Variants in UBE3A observed in about 807,000 individuals in gnomAD.
The protein encoded by UBE3A is ubiquitin protein ligase E3A.
Under a neutral mutation model 83.4 loss-of-function variants are expected in UBE3A, and 6 were observed. The observed-to-expected ratio is 0.07, with a 90% CI of 0.04 to 0.14. The LOEUF (loss-of-function observed/expected upper bound fraction) is 0.14. Among genes scored for constraint, UBE3A ranks in the 10% least tolerant of loss-of-function variants. The pLI, the probability that UBE3A is intolerant of heterozygous loss-of-function variation, is 1.00. For missense variants in UBE3A, 456 were observed against 1,036.1 expected (o/e 0.44, Z 7.69); for synonymous variants, 337 against 355.4 (o/e 0.95, Z 0.58).
At chr15:25,397,035 TTAGG>T (rs2085741394) in intron 4 of UBE3A, among the ~76,000 whole-genome samples, 1 of 152,164 alleles carries the variant, frequency 6.6e-6, no homozygotes, top group Non-Finnish European at 1.5e-5. Flanking sequence ...TTTTTGTAAA[TTAGG>T]ACAAATACTA....
chr15:25,362,497 A>G (rs1006360077), intron 6 of UBE3A, among the ~76,000 whole-genome samples: 1 of 152,204 alleles, frequency 6.6e-6, no homozygotes, highest in South Asian at 2.1e-4. Context: ...AAGGCTTATT[A>G]AGAATATATG....
At position 25,438,513 on chromosome 15, in the gene UBE3A, T is replaced by A. The variant is rs543872191; in HGVS notation, c.-189A>T. Reference sequence around the variant, plus strand: ...CCTGTCGTCGCCCCCGCGCCTGGGCTGCGGCGGCCGCCTCACTGGTCGTAG... The same window carrying A: ...CCTGTCGTCGCCCCCGCGCCTGGGCAGCGGCGGCCGCCTCACTGGTCGTAG... On this transcript the variant is annotated 5_prime_UTR_variant, in exon 1 of 13. Coordinates refer to ENST00000648336, the MANE Select transcript of UBE3A (RefSeq NM_130839.5). 2.6e-5 allele frequency: 4 copies of A among 152,592 alleles called. No homozygotes were observed. Among genetic ancestry groups the A allele is most frequent in the African/African-American group, 9.6e-5 (4 of 41,566 alleles). The allele number at this position is 152,592 out of a possible 1,614,324, so 9.5% of individuals were successfully genotyped here. A position where few individuals can be genotyped will look rare whatever the true frequency, so the allele number is the denominator to read the frequency against.
intron 4 of UBE3A, among the ~76,000 whole-genome samples, chr15:25,378,849 A>C (rs1401778274): frequency 6.6e-6 from 1 of 152,222 alleles, no homozygotes; most frequent in African/African-American, 2.4e-5. Context: ...GGTACCACAA[A>C]GGCAGACCAA....
chr15:25,420,926 T>C (rs574640294), intron 1 of UBE3A, among the ~76,000 whole-genome samples: 11 of 152,176 alleles, frequency 7.2e-5, no homozygotes, highest in Admixed American at 6.5e-4. Context: ...GACAAATAAA[T>C]AAATAAAACA....
chr15:25,336,280 C>CA lies in UBE3A; in HGVS notation c.*2856dup. 1 of 151,876 alleles carries CA rather than the reference C, an allele frequency of 6.6e-6. No individual in the cohort carries two copies. The highest frequency in any genetic ancestry group is 1.5e-5 in the Non-Finnish European group (1 of 67,992). The allele number at this position is 151,876 out of a possible 1,614,324, so 9.4% of individuals were successfully genotyped here. ...TGGCCCTTAGACACTGGCGGAAAGT[C>CA]AGAGAAAAAAAATTACAGTAAGCAG... On this transcript the variant is annotated 3_prime_UTR_variant, in exon 13 of 13. Coordinates refer to ENST00000648336, the MANE Select transcript of UBE3A (RefSeq NM_130839.5).
At position 25,398,771 on chromosome 15, in the gene UBE3A, TTATATATATATATATATATATATA is replaced by T. The variant is rs1159969391; in HGVS notation, c.62+6666_62+6689del. ...CAGCGCACTGATTTTATTCTTTTATTTATATATATATATATATATATATATATATATATATATATATATAAAAAT... is the reference window on the plus strand; with the variant it reads ...CAGCGCACTGATTTTATTCTTTTATTTATATATATATATATATATAAAAAT... On this transcript the variant is annotated intron_variant, in intron 4 of 12. Transcript: ENST00000648336. 1.8e-3 allele frequency among the ~76,000 whole-genome samples: 127 copies of T among 68,966 alleles called. 7 individuals are homozygous for T. The highest frequency in any genetic ancestry group is 5.1e-3 in the African/African-American group (115 of 22,382). The allele number at this position is 68,966 out of a possible 152,430, so 45.2% of individuals were successfully genotyped here.
In UBE3A at chr15:25,370,096, T is replaced by C. The variant is rs878952412; in HGVS notation, c.1608+470A>G. On this transcript the variant is annotated intron_variant, in intron 6 of 12. Transcript: ENST00000648336. The surrounding 1 kb of genome is among the most constrained non-coding windows in gnomAD (Gnocchi z 4.2). ...ACTGGCAACAGGCACTGATCTGCCA[T>C]GGTCACTTCATCAAGTCCACAATAA... 6.6e-6 allele frequency among the ~76,000 whole-genome samples: 1 copy of C among 152,210 alleles called. No homozygotes were observed. The highest frequency in any genetic ancestry group is 6.5e-5 in the Admixed American group (1 of 15,284).
intron 1 of UBE3A, among the ~76,000 whole-genome samples, chr15:25,433,327 G>A (rs1894045341): frequency 1.3e-5 from 2 of 152,018 alleles, no homozygotes; most frequent in Non-Finnish European, 1.5e-5. Flanking sequence ...GGGACTACAG[G>A]CATGCGCCAC....
At chr15:25,359,846 T>G (rs967509318) in intron 7 of UBE3A, among the ~76,000 whole-genome samples, 1 of 152,148 alleles carries the variant, frequency 6.6e-6, no homozygotes, top group Non-Finnish European at 1.5e-5. Context: ...AACTCTTCTG[T>G]TAGGGCAGAA....
chr15:25,402,135 C>A (rs2153031462), intron 4 of UBE3A, among the ~76,000 whole-genome samples: 2 of 152,302 alleles, frequency 1.3e-5, no homozygotes, highest in East Asian at 3.9e-4. Flanking sequence ...TGTGTTGGCA[C>A]CTGCACATTT....
rs1168444147 is a variant in UBE3A, at chr15:25,334,196, T to C, written c.*4941A>G. 4.7e-5 allele frequency: 7 copies of C among 150,444 alleles called. 1 individual carries two copies. Among genetic ancestry groups the C allele is most frequent in the African/African-American group, 1.8e-4 (7 of 39,932 alleles). The allele number at this position is 150,444 out of a possible 1,614,324, so 9.3% of individuals were successfully genotyped here. On this transcript the variant is annotated 3_prime_UTR_variant, in exon 13 of 13. Coordinates refer to ENST00000648336, the MANE Select transcript of UBE3A (RefSeq NM_130839.5). ...GCATGATCTCATATGCAAAAAATAC[T>C]AAGTGACAAAAAAAGAATTTTAGAA...
At position 25,365,190 on chromosome 15, in the gene UBE3A, T is replaced by TA. The variant is rs930425710; in HGVS notation, c.1609-4664dup. 2.3e-3 allele frequency among the ~76,000 whole-genome samples: 344 copies of TA among 149,670 alleles called. 1 individual carries two copies. The highest frequency in any genetic ancestry group is 6.4e-3 in the African/African-American group (263 of 40,966). On this transcript the variant is annotated intron_variant, in intron 6 of 12. Coordinates refer to ENST00000648336, the MANE Select transcript of UBE3A (RefSeq NM_130839.5). Reference sequence around the variant, plus strand: ...ATGAAATCCTAGGGAGTTCATTTTTTAAAAAAAAAATCTGACCTGATATCA... The same window carrying TA: ...ATGAAATCCTAGGGAGTTCATTTTTTAAAAAAAAAAATCTGACCTGATATCA...
chr15:25,424,812 A>G lies in UBE3A; in HGVS notation c.-164-12841T>C, dbSNP rs1890853145. On this transcript the variant is annotated intron_variant, in intron 1 of 12. Transcript: ENST00000648336. ...TTCTTAGAAATAAATTTTTAAAGTA[A>G]TAAGTACAAGACCTGTATACTGAAA... 2.6e-5 allele frequency among the ~76,000 whole-genome samples: 4 copies of G among 152,226 alleles called. No individual in the cohort carries two copies. In the South Asian group the frequency reaches 8.3e-4, roughly 31 times the overall value.
intron 4 of UBE3A, among the ~76,000 whole-genome samples, chr15:25,376,746 C>T (rs1318637283): frequency 3.5e-5 from 4 of 114,898 alleles, no homozygotes; most frequent in Non-Finnish European, 5.2e-5. Context: ...ATTAGTTCCA[C>T]GTCACAAGAT....
rs116789027 is a variant in UBE3A, at chr15:25,437,598, A to G, written c.-165+891T>C. Among the ~76,000 whole-genome samples the G allele has an allele frequency of 1.1e-3, 166 of 152,334 alleles. 1 individual carries two copies. The highest frequency in any genetic ancestry group is 3.7e-3 in the African/African-American group (152 of 41,582). On this transcript the variant is annotated intron_variant, in intron 1 of 12. Transcript: ENST00000648336. ...TATGCTATTAGTTTACATTTTCAACAGCACCCTCGCCACTTAATAATCTCA... is the reference window on the plus strand; with the variant it reads ...TATGCTATTAGTTTACATTTTCAACGGCACCCTCGCCACTTAATAATCTCA...
At chr15:25,416,096 T>C (rs9806741) in intron 1 of UBE3A, among the ~76,000 whole-genome samples, 152,240 of 152,258 alleles carry the variant, frequency 1, 76,112 homozygotes, top group Middle Eastern at 1. Flanking sequence ...AAAATCGGCA[T>C]GCCTTTAAAA....
chr15:25,417,318 C>A (rs1887401224), intron 1 of UBE3A, among the ~76,000 whole-genome samples: 1 of 152,012 alleles, frequency 6.6e-6, no homozygotes, highest in African/African-American at 2.4e-5. Flanking sequence ...TAAAACTGAC[C>A]AGCAAGTTAT....
Position 25,339,013 on chromosome 15 carries a change from C to G in UBE3A, c.*124G>C. 8.7e-7 allele frequency: 1 copy of G among 1,145,446 alleles called. No homozygotes were observed. Among genetic ancestry groups the G allele is most frequent in the Non-Finnish European group, 1.2e-6 (1 of 855,200 alleles). The allele number at this position is 1,145,446 out of a possible 1,614,324, so 71.0% of individuals were successfully genotyped here. The stretch of plus-strand genomic sequence containing the variant: ...GTGACTACTGTGGTTGACTATCTTA[C>G]AGCCTTTTTGTACTGGGACACTATC... On this transcript the variant is annotated 3_prime_UTR_variant, in exon 13 of 13. Coordinates refer to ENST00000648336, the MANE Select transcript of UBE3A (RefSeq NM_130839.5).
At chr15:25,348,050 A>G (rs769218212) in intron 11 of UBE3A, among the ~76,000 whole-genome samples, 19 of 152,162 alleles carry the variant, frequency 1.2e-4, no homozygotes, top group Non-Finnish European at 2.6e-4. Flanking sequence ...TTTAAAAAAA[A>G]ACAAATGGTT....
Sources: gnomAD v4.1 joint callset for allele counts (sites outside exome capture counted in the v4.1 genomes callset) on GRCh38, gnomAD v4.1.1 for gene constraint, Gnocchi (gnomAD v3.1) non-coding constraint, MANE v1.5 for transcripts, NCBI Gene and HGNC (gene_info 2026-07-23, HGNC 2026-07-21) for gene names.